KIAA1191: variants seen among roughly 807,000 people sequenced by gnomAD.
The protein encoded by KIAA1191 is KIAA1191, also known as putative monooxygenase p33MONOX.
A neutral mutation model predicts 31.1 loss-of-function variants in KIAA1191; 22 were observed. That is an observed-to-expected ratio of 0.71 (90% confidence interval 0.51 to 1.01). KIAA1191 has a LOEUF of 1.01. Ranked by LOEUF, KIAA1191 falls within the 50% of genes least tolerant of loss-of-function variation. The pLI is 0.00. For synonymous variants in KIAA1191, 130 were observed against 143.9 expected, an observed-to-expected ratio of 0.90 and a Z score of 0.69; for missense variants, 319 against 388.0, an observed-to-expected ratio of 0.82 and a Z score of 1.49.
chr5:176,354,700 A>T (rs1381282949), intron 4 of KIAA1191: 1 of 152,292 alleles, frequency 6.6e-6, no homozygotes, highest in East Asian at 1.9e-4. Context: ...CCCCAATCAC[A>T]AAATGAGCAG....
chr5:176,346,784 G>T lies in KIAA1191; in HGVS notation c.*816C>A, dbSNP rs1766542615. ...GCCTAGAAAGAGGGGTCCCTGCCAAGTCTGGCTTTTACCTGTACCCAGGTC... is the reference window on the plus strand; with the variant it reads ...GCCTAGAAAGAGGGGTCCCTGCCAATTCTGGCTTTTACCTGTACCCAGGTC... On this transcript the variant is annotated 3_prime_UTR_variant, in exon 9 of 9. Transcript: ENST00000298569. 1 of 152,232 alleles carries T rather than the reference G, an allele frequency of 6.6e-6. No individual in the cohort carries two copies. Among genetic ancestry groups the T allele is most frequent in the African/African-American group, 2.4e-5 (1 of 41,460 alleles). The allele number at this position is 152,232 out of a possible 1,614,324, so 9.4% of individuals were successfully genotyped here.
chr5:176,351,093 A>G (rs1431186077), intron 5 of KIAA1191, among the ~76,000 whole-genome samples: 1 of 152,192 alleles, frequency 6.6e-6, no homozygotes, highest in Non-Finnish European at 1.5e-5. Context: ...CTGTAATCCC[A>G]GCACTTTGGG....
At chr5:176,357,807 A>C (rs1335628777) in intron 3 of KIAA1191, among the ~76,000 whole-genome samples, 2 of 152,190 alleles carry the variant, frequency 1.3e-5, no homozygotes, top group African/African-American at 2.4e-5. Context: ...AGACTTGGGG[A>C]GCAATTTCAA....
chr5:176,354,112 G>A (rs1265924126), intron 4 of KIAA1191: 1 of 152,216 alleles, frequency 6.6e-6, no homozygotes, highest in Non-Finnish European at 1.5e-5. Flanking sequence ...AAGTTAAGCA[G>A]GGAGCCTGCA....
At chr5:176,358,115 T>C (rs1767659494) in intron 3 of KIAA1191, among the ~76,000 whole-genome samples, 2 of 152,238 alleles carry the variant, frequency 1.3e-5, no homozygotes, top group South Asian at 4.1e-4. Context: ...TAGTCATCAA[T>C]GGTGTCAATA....
chr5:176,348,869 C>T (rs1279860875), intron 6 of KIAA1191: 3 of 157,072 alleles, frequency 1.9e-5, no homozygotes, highest in African/African-American at 7.2e-5. Context: ...TAGTCAGCCA[C>T]TCTGGGTTCC....
At chr5:176,349,598 G>A (rs147491451) in intron 6 of KIAA1191, among the ~76,000 whole-genome samples, 290 of 152,066 alleles carry the variant, frequency 1.9e-3, no homozygotes, top group African/African-American at 6.5e-3. Flanking sequence ...ACTTGAACCC[G>A]GGAGGCAGAG....
At chr5:176,356,292 C>A (rs923519452) in intron 3 of KIAA1191, 1 of 154,822 alleles carries the variant, frequency 6.5e-6, no homozygotes, top group Non-Finnish European at 1.4e-5. Flanking sequence ...GCTCTCAGTT[C>A]GTGCAAGACT....
At chr5:176,352,081 A>G (rs1767063768) in intron 5 of KIAA1191, among the ~76,000 whole-genome samples, 1 of 151,714 alleles carries the variant, frequency 6.6e-6, no homozygotes, top group African/African-American at 2.4e-5. Flanking sequence ...CATTAGGATG[A>G]CCAATCATAC....
chr5:176,357,450 G>A (rs1416938103), intron 3 of KIAA1191, among the ~76,000 whole-genome samples: 1 of 152,040 alleles, frequency 6.6e-6, no homozygotes, highest in East Asian at 1.9e-4. Context: ...ACACACACAA[G>A]CAAATAATAA....
intron 5 of KIAA1191, among the ~76,000 whole-genome samples, chr5:176,351,737 GAC>G (rs926533611): frequency 6.6e-6 from 1 of 151,476 alleles, no homozygotes; most frequent in African/African-American, 2.4e-5. Context: ...CAGCCTGGGT[GAC>G]AGAGTGAGAC....
intron 4 of KIAA1191, chr5:176,353,302 C>G (rs1196748335): frequency 6.6e-6 from 1 of 152,352 alleles, no homozygotes. Flanking sequence ...AGGACCACTG[C>G]TCCCAAGGTT....
Position 176,346,933 on chromosome 5 carries a change from G to C in KIAA1191, c.*667C>G, listed in dbSNP as rs1766554384. 1 of 152,222 alleles carries C rather than the reference G, an allele frequency of 6.6e-6. No homozygotes were observed. 9.4% of individuals were successfully genotyped at this position (152,222 alleles called of 1,614,324 possible). ...GCCATGATTTGTCAATGCTCACATG[G>C]ATAGTGGTAAAGGAATAAAGAAGCC... On this transcript the variant is annotated 3_prime_UTR_variant, in exon 9 of 9. Coordinates refer to ENST00000298569, the MANE Select transcript of KIAA1191 (RefSeq NM_020444.5).
At chr5:176,360,802 A>G (rs1767933831) in intron 1 of KIAA1191, among the ~76,000 whole-genome samples, 1 of 152,042 alleles carries the variant, frequency 6.6e-6, no homozygotes, top group Non-Finnish European at 1.5e-5. Context: ...CTCGGTCTCA[A>G]AAATAAAAAT....
chr5:176,356,572 A>G (rs1767521462), intron 3 of KIAA1191, among the ~76,000 whole-genome samples: 1 of 152,184 alleles, frequency 6.6e-6, no homozygotes, highest in Non-Finnish European at 1.5e-5. Context: ...CACTCTCACA[A>G]ATCACCAGCT....
chr5:176,350,889 A>G (rs779677009), intron 5 of KIAA1191, 152 bp from the exon 6 acceptor site: 10 of 937,672 alleles, frequency 1.1e-5, no homozygotes, highest in Non-Finnish European at 1.6e-5. Context: ...GCACCACAGC[A>G]GTAATTCTGA....
intron 4 of KIAA1191, among the ~76,000 whole-genome samples, chr5:176,354,043 G>C (rs975462204): frequency 6.6e-6 from 1 of 152,238 alleles, no homozygotes; most frequent in Non-Finnish European, 1.5e-5. Context: ...CTGAAAGTCT[G>C]TTGGAGGCGG....
At position 176,355,804 on chromosome 5, in the gene KIAA1191, TTTAAA is replaced by T; in HGVS notation, c.29-60_29-56del. On this transcript the variant is annotated intron_variant, in intron 3 of 8. Coordinates refer to ENST00000298569, the MANE Select transcript of KIAA1191 (RefSeq NM_020444.5). The surrounding 1 kb of genome is among the most constrained non-coding windows in gnomAD (Gnocchi z 4.2). ...TTCAGCAACTGGACATACTAGCAGC[TTTAAA>T]TTAATCTACAGGAAGGAAAGCTCTG... The T allele has an allele frequency of 6.5e-7, 1 of 1,527,596 alleles. No individual in the cohort carries two copies. The highest frequency in any genetic ancestry group is 9.1e-7 in the Non-Finnish European group (1 of 1,102,422). 94.6% of individuals were successfully genotyped at this position (1,527,596 alleles called of 1,614,324 possible).
rs1177333691 is a variant in KIAA1191 at position 176,355,276 on chromosome 5, G to T, written c.207+295C>A. ...GGGAGATTTAAAAAACCATCTATTG[G>T]GTACACTGTACACTATTCGGGTGAC... On this transcript the variant is annotated intron_variant, in intron 4 of 8. Coordinates refer to ENST00000298569, the MANE Select transcript of KIAA1191 (RefSeq NM_020444.5). The surrounding 1 kb of genome is among the most constrained non-coding windows in gnomAD (Gnocchi z 4.2). Among the ~76,000 whole-genome samples the T allele has an allele frequency of 1.3e-5, 2 of 151,870 alleles. No homozygotes were observed. The highest frequency in any genetic ancestry group is 2.9e-5 in the Non-Finnish European group (2 of 67,970).
Sources: allele counts gnomAD v4.1 joint callset (sites outside exome capture counted in the v4.1 genomes callset), GRCh38; gene constraint gnomAD v4.1.1; non-coding constraint Gnocchi (gnomAD v3.1); transcripts MANE v1.5; gene names NCBI Gene and HGNC (gene_info 2026-07-23, HGNC 2026-07-21).